The following PODN variants were observed in gnomAD, a reference collection of about 807,000 sequenced individuals.
PODN encodes podocan proteoglycan.
PODN carries 40 observed loss-of-function variants against 52.7 expected under a neutral mutation model. The observed-to-expected ratio is 0.76, with a 90% CI of 0.59 to 0.99. PODN has a LOEUF of 0.99. Ranked by LOEUF, PODN falls within the 50% of genes least tolerant of loss-of-function variation. The pLI is 0.00. For synonymous variants in PODN, 396 were observed against 377.9 expected (o/e 1.05, Z -0.56); for missense variants, 720 against 815.1 (o/e 0.88, Z 1.42).
intron 8 of PODN, among the ~76,000 whole-genome samples, chr1:53,079,445 A>G (rs1263109524): frequency 1.3e-5 from 2 of 152,040 alleles, no homozygotes; most frequent in African/African-American, 4.8e-5. Flanking sequence ...TGTATGGGAG[A>G]GTCAAGCTCA....
rs373726286 is a variant in PODN at position 53,078,435 on chromosome 1, C to T, written c.925C>T (p.Arg309Cys). The stretch of plus-strand genomic sequence containing the variant: ...GTCTCGGGTCCCAGCTGGGCTGCCG[C>T]GCAGCCTGGTGCTGCTGCACTTGGA... ...NLSRVPAGLP[R>C]SLVLLHLEKN... The change falls in exon 8 of 11, where the codon CGC (arginine) becomes TGC (cysteine). Residue 309 changes from arginine to cysteine, a missense_variant. By Grantham distance (180) the Arg-to-Cys change is radical (BLOSUM62 -3). Coordinates refer to ENST00000312553, the MANE Select transcript of PODN (RefSeq NM_153703.5). The T allele has an allele frequency of 2.9e-5, 46 of 1,613,350 alleles. No homozygotes were observed. The highest frequency in any genetic ancestry group is 5.0e-5 in the Admixed American group (3 of 60,012).
chr1:53,078,563 C>T lies in PODN; in HGVS notation c.1053C>T (p.His351=). The change falls in exon 8 of 11, where the codon CAC becomes CAT. Residue 351 remains histidine, a synonymous_variant. Transcript: ENST00000312553. ...ACCAGCTGCGGGAGCAGGGCATCCA[C>T]CCACTGGCCTTCCAGGGCCTCAAGC... ...HSNQLREQGI[H]PLAFQGLKRL... 6.2e-7 allele frequency: 1 copy of T among 1,613,110 alleles called. No individual in the cohort carries two copies. The highest frequency in any genetic ancestry group is 8.5e-7 in the Non-Finnish European group (1 of 1,180,018).
chr1:53,072,580 C>T (rs1262862722), intron 3 of PODN, among the ~76,000 whole-genome samples: 1 of 141,612 alleles, frequency 7.1e-6, no homozygotes, highest in Non-Finnish European at 1.6e-5. Flanking sequence ...GCCTGGACAA[C>T]CCCGGTGCCC....
chr1:53,063,588 G>A (rs1209342701), intron 1 of PODN: 5 of 985,406 alleles, frequency 5.1e-6, no homozygotes, highest in Non-Finnish European at 6.0e-6. Flanking sequence ...CCCGTGGACT[G>A]CCCTGGGAAA....
chr1:53,073,436 C>G (rs146799054), intron 3 of PODN: 3 of 152,218 alleles, frequency 2.0e-5, no homozygotes, highest in Non-Finnish European at 2.9e-5. Context: ...ACCTCTTACA[C>G]GCCAACCAGC....
At chr1:53,062,388 C>A in intron 1 of PODN, 80 bp downstream of exon 1, 8 of 1,059,200 alleles carry the variant, frequency 7.6e-6, no homozygotes, top group Non-Finnish European at 8.5e-6. Context: ...CCCCGCCTCT[C>A]CGGATGGCTC....
chr1:53,063,032 C>T (rs998843316), intron 1 of PODN, among the ~76,000 whole-genome samples: 2 of 152,316 alleles, frequency 1.3e-5, no homozygotes, highest in South Asian at 4.1e-4. Flanking sequence ...AGATCCGCGC[C>T]TTCCTGCGAA....
rs763772788 is a variant in PODN, at chr1:53,071,680, G to A, written c.406+52G>A. Reference sequence around the variant, plus strand: ...CAGGGACACCAAGTGGGGCCTTGGGGGCCTGAACGATGCTGGGTGCCCAGG... The same window carrying A: ...CAGGGACACCAAGTGGGGCCTTGGGAGCCTGAACGATGCTGGGTGCCCAGG... On this transcript the variant is annotated intron_variant, in intron 3 of 10. Transcript: ENST00000312553. 5.2e-6 allele frequency: 8 copies of A among 1,532,544 alleles called. No homozygotes were observed. The South Asian group carries it at 5.7e-5, about 11-fold the overall frequency. 94.9% of individuals were successfully genotyped at this position (1,532,544 alleles called of 1,614,324 possible). A position where few individuals can be genotyped will look rare whatever the true frequency, so the allele number is the denominator to read the frequency against.
At chr1:53,083,535 C>T (rs979182164) in intron 10 of PODN, among the ~76,000 whole-genome samples, 5 of 152,160 alleles carry the variant, frequency 3.3e-5, no homozygotes, top group African/African-American at 9.7e-5. Context: ...GGCTTGGTGG[C>T]CAGATGTGAA....
Position 53,078,257 on chromosome 1 carries a change from G to C in PODN, c.855-108G>C, listed in dbSNP as rs1188118377. 6 of 1,153,876 alleles carry C rather than the reference G, an allele frequency of 5.2e-6. No individual in the cohort carries two copies. The African/African-American group carries it at 9.2e-5, about 18-fold the overall frequency. 71.5% of individuals were successfully genotyped at this position (1,153,876 alleles called of 1,614,324 possible). On this transcript the variant is annotated intron_variant, in intron 7 of 10. Coordinates refer to ENST00000312553, the MANE Select transcript of PODN (RefSeq NM_153703.5). ...GGGCCCACAGTCAGTGAGCAGCAGA[G>C]CTGGGAGGAGCTAGTGGCAATTCCC...
rs764670094 is a variant in PODN at position 53,082,100 on chromosome 1, G to A, written c.1781G>A (p.Arg594His). The change falls in exon 10 of 11, where the codon CGC becomes CAC. Residue 594 changes from arginine (R) to histidine (H), a missense_variant. By Grantham distance (29) the Arg-to-His change is conservative. Transcript: ENST00000312553. ...GGTGACATTTCCAAGGACCGTGGCCGCTTGGGGAAGGAAAAGGAGGAGGAG... is the reference window on the plus strand; with the variant it reads ...GGTGACATTTCCAAGGACCGTGGCCACTTGGGGAAGGAAAAGGAGGAGGAG... ...EFGDISKDRG[R>H]LGKEKEEEEE... 2.0e-5 allele frequency: 33 copies of A among 1,613,832 alleles called. No individual in the cohort carries two copies. The highest frequency in any genetic ancestry group is 1.6e-4 in the East Asian group (7 of 44,882).
Position 53,078,927 on chromosome 1 carries a change from G to A in PODN, c.1417G>A (p.Gly473Ser), listed in dbSNP as rs1238466076. Reference protein sequence around the residue: ...LAALARGALVGMAQLRELYLT... With the variant: ...LAALARGALVSMAQLRELYLT... ...TGCCTTGGCACGAGGGGCGCTGGTG[G>A]GCATGGCTCAGCTGCGTGAGCTGTA... The change falls in exon 8 of 11, where the codon GGC becomes AGC. Residue 473 changes from glycine (G) to serine (S), a missense_variant. Transcript: ENST00000312553. 1 of 1,592,688 alleles carries A rather than the reference G, an allele frequency of 6.3e-7. No homozygotes were observed.
intron 10 of PODN, among the ~76,000 whole-genome samples, chr1:53,083,286 G>A (rs11206090): frequency 0.13 from 19,963 of 152,230 alleles, 1,476 homozygotes; most frequent in Middle Eastern, 0.19. Context: ...AAGGCCTCTC[G>A]AGGGGAGCCC....
At chr1:53,080,505 C>A (rs992855722) in intron 8 of PODN, among the ~76,000 whole-genome samples, 3 of 152,152 alleles carry the variant, frequency 2.0e-5, no homozygotes, top group Non-Finnish European at 4.4e-5. Flanking sequence ...TCAGGCACAC[C>A]CGGCTACAGC....
In PODN at chr1:53,077,792, G is replaced by C. The variant is rs762234922; in HGVS notation, c.846G>C (p.Glu282Asp). 6.2e-7 allele frequency: 1 copy of C among 1,613,360 alleles called. No individual in the cohort carries two copies. The highest frequency in any genetic ancestry group is 1.1e-5 in the South Asian group (1 of 91,062). ...NYLTDEGLDN[E>D]TFWKLSSLEY... ...TGACTGACGAGGGCCTGGACAACGA[G>C]ACCTTCTGGTGAGTCCTTGTCTCAC... Residue 282 changes from glutamate (E) to aspartate (D), a missense_variant, in exon 7 of 11, where the codon GAG (glutamate) becomes GAC (aspartate). By Grantham distance (45) the Glu-to-Asp change is conservative. Transcript: ENST00000312553.
At position 53,070,047 on chromosome 1, in the gene PODN, C is replaced by G; in HGVS notation, c.192C>G (p.Ala64=). The change falls in exon 2 of 11, where the codon GCC becomes GCG. Residue 64 remains alanine (A), a synonymous_variant. Transcript: ENST00000312553. ...CTGAGGAGCCCGGGCCTGGCCCAGC[C>G]GCGGTCAGCTGCCCCCGAGACTGTG... is the stretch of plus-strand genomic sequence containing the variant. ...LSPEEPGPGP[A]AVSCPRDCAC... is the part of the protein sequence containing the mutation. 1 of 1,612,956 alleles carries G rather than the reference C, an allele frequency of 6.2e-7. No homozygotes were observed.
chr1:53,082,634 G>A (rs1230270649), intron 10 of PODN, among the ~76,000 whole-genome samples: 1 of 152,204 alleles, frequency 6.6e-6, no homozygotes, highest in African/African-American at 2.4e-5. Context: ...CGTGGGCAGA[G>A]GGCATTTGCA....
chr1:53,062,511 C>A (rs1291066745), intron 1 of PODN, among the ~76,000 whole-genome samples: 1 of 152,230 alleles, frequency 6.6e-6, no homozygotes, highest in South Asian at 2.1e-4. Context: ...CAGTCAGGAC[C>A]CAGGCAGGGG....
rs777273803 is a variant in PODN, at chr1:53,069,847, G to GCA, written c.-8_-7dup. ...AGGCGCATCTGACTCGGCACCCCCTGCAGGCACCATGGCCCAGAGCCGGGT... is the reference window on the plus strand; with the variant it reads ...AGGCGCATCTGACTCGGCACCCCCTGCACAGGCACCATGGCCCAGAGCCGGGT... On this transcript the variant is annotated 5_prime_UTR_variant, in exon 2 of 11. Coordinates refer to ENST00000312553, the MANE Select transcript of PODN (RefSeq NM_153703.5). 141 of 1,578,136 alleles carry GCA rather than the reference G, an allele frequency of 8.9e-5. No individual in the cohort carries two copies. Among genetic ancestry groups the GCA allele is most frequent in the Non-Finnish European group, 7.5e-5 (87 of 1,162,490 alleles).
Sources: gnomAD v4.1 joint callset for allele counts (sites outside exome capture counted in the v4.1 genomes callset) on GRCh38, gnomAD v4.1.1 for gene constraint, MANE v1.5 for transcripts, NCBI Gene and HGNC (gene_info 2026-07-23, HGNC 2026-07-21) for gene names.